Variants in MTMR7 observed in about 807,000 individuals in gnomAD.
MTMR7 encodes the protein myotubularin related protein 7.
A neutral mutation model predicts 81.2 loss-of-function variants in MTMR7; 76 were observed. That is an observed-to-expected ratio of 0.94 (90% CI 0.78 to 1.13). MTMR7 has a LOEUF of 1.13. Among genes scored for constraint, MTMR7 ranks in the 50% most tolerant of loss-of-function variants. MTMR7 has a pLI of 0.00. For missense variants in MTMR7, 1,044 were observed against 820.0 expected (o/e 1.27, Z -3.34); for synonymous variants, 372 against 289.8 (o/e 1.28, Z -2.88).
At chr8:17,336,996 A>C (rs180900518) in intron 6 of MTMR7, among the ~76,000 whole-genome samples, 2 of 152,168 alleles carry the variant, frequency 1.3e-5, no homozygotes, top group African/African-American at 2.4e-5. Flanking sequence ...TAACCTCTTT[A>C]AGTTCTAGCC....
chr8:17,372,143 C>T (rs1262554109), intron 2 of MTMR7, among the ~76,000 whole-genome samples: 1 of 152,074 alleles, frequency 6.6e-6, no homozygotes, highest in Non-Finnish European at 1.5e-5. Flanking sequence ...AGGGTCTATG[C>T]TCAGTCTTCA....
chr8:17,336,435 T>C (rs974197840), intron 6 of MTMR7, among the ~76,000 whole-genome samples: 9 of 152,064 alleles, frequency 5.9e-5, no homozygotes, highest in African/African-American at 2.2e-4. Context: ...TCACTCTGGT[T>C]GCTGCCATGA....
intron 5 of MTMR7, among the ~76,000 whole-genome samples, chr8:17,342,111 T>G (rs1819424485): frequency 1.3e-5 from 2 of 152,154 alleles, no homozygotes; most frequent in South Asian, 4.1e-4. Flanking sequence ...GGAATCAATC[T>G]GCATTCTCTG....
chr8:17,317,724 C>A lies in MTMR7; in HGVS notation c.866-4323G>T, dbSNP rs565441556. Among the ~76,000 whole-genome samples, 35 of 152,256 alleles carry A rather than the reference C, an allele frequency of 2.3e-4. No individual in the cohort carries two copies. The East Asian group carries it at 4.8e-3, about 21-fold the overall frequency. On this transcript the variant is annotated intron_variant, in intron 7 of 13. Transcript: ENST00000180173. Reference sequence around the variant, plus strand: ...TCAGAGATACCTGATGGCTCGAATTCCAGAGATTGTCTAAGGATCTGCACT... The same window carrying A: ...TCAGAGATACCTGATGGCTCGAATTACAGAGATTGTCTAAGGATCTGCACT...
intron 1 of MTMR7, among the ~76,000 whole-genome samples, chr8:17,377,875 T>C (rs1157398180): frequency 6.6e-6 from 1 of 152,138 alleles, no homozygotes; most frequent in African/African-American, 2.4e-5. Flanking sequence ...TTAAAGTAAC[T>C]ACGATAAAGA....
chr8:17,300,677 C>T (rs1476792707), intron 13 of MTMR7, among the ~76,000 whole-genome samples: 2 of 152,196 alleles, frequency 1.3e-5, no homozygotes, highest in Non-Finnish European at 2.9e-5. Flanking sequence ...TAGTTATATT[C>T]ACAAGGTTGT....
intron 7 of MTMR7, among the ~76,000 whole-genome samples, chr8:17,330,224 C>A (rs1563338025): frequency 6.6e-6 from 1 of 152,210 alleles, no homozygotes; most frequent in Non-Finnish European, 1.5e-5. Flanking sequence ...AACGTGGATT[C>A]CTGGAAAAAA....
chr8:17,304,301 A>G, intron 12 of MTMR7, 78 bp downstream of exon 12: 2 of 1,518,920 alleles, frequency 1.3e-6, no homozygotes, highest in Non-Finnish European at 1.8e-6. Flanking sequence ...AGTGTCATAC[A>G]CTTTGACCTC....
intron 13 of MTMR7, chr8:17,301,846 C>T (rs550959851): frequency 2.5e-6 from 1 of 397,262 alleles, no homozygotes; most frequent in Non-Finnish European, 4.4e-6. Context: ...GTTACTTTTT[C>T]ACACTTTCCA....
Position 17,403,122 on chromosome 8 carries a change from T to C in MTMR7, c.24+10147A>G, listed in dbSNP as rs538790574. ...AGATTTTTTTTCCTATAGAGTTGTT[T>C]GAGCCCCTTATATATTCTGGTTATT... On this transcript the variant is annotated intron_variant, in intron 1 of 13. Coordinates refer to ENST00000180173, the MANE Select transcript of MTMR7 (RefSeq NM_004686.5). Among the ~76,000 whole-genome samples, 29 of 152,356 alleles carry C rather than the reference T, an allele frequency of 1.9e-4. 2 individuals are homozygous for C. In the South Asian group the frequency reaches 5.8e-3, roughly 30 times the overall value.
chr8:17,330,410 C>G (rs994411371), intron 7 of MTMR7, among the ~76,000 whole-genome samples: 1 of 152,210 alleles, frequency 6.6e-6, no homozygotes, highest in Non-Finnish European at 1.5e-5. Flanking sequence ...TTTCCCAGTT[C>G]GCAGAGCCGG....
chr8:17,309,850 T>G (rs1680641717), intron 9 of MTMR7, among the ~76,000 whole-genome samples: 1 of 152,168 alleles, frequency 6.6e-6, no homozygotes, highest in African/African-American at 2.4e-5. Flanking sequence ...TTTCTACACA[T>G]TATAAGAATT....
At chr8:17,320,956 T>C (rs761022896) in intron 7 of MTMR7, among the ~76,000 whole-genome samples, 26 of 152,224 alleles carry the variant, frequency 1.7e-4, no homozygotes, top group Admixed American at 4.6e-4. Flanking sequence ...CAGGATGCAA[T>C]TGATTCCTCC....
At chr8:17,386,717 T>C (rs1300201433) in intron 1 of MTMR7, among the ~76,000 whole-genome samples, 2 of 152,218 alleles carry the variant, frequency 1.3e-5, no homozygotes, top group Non-Finnish European at 2.9e-5. Context: ...GCTGCCCTTC[T>C]TGGAGCCCAA....
intron 11 of MTMR7, 126 bp downstream of exon 11, chr8:17,305,631 T>G: frequency 1.4e-6 from 1 of 716,768 alleles, no homozygotes; most frequent in East Asian, 2.7e-5. Context: ...AAAATAAAAC[T>G]AATCTGTCAG....
chr8:17,342,533 T>C (rs1375883621), intron 5 of MTMR7, among the ~76,000 whole-genome samples: 1 of 152,186 alleles, frequency 6.6e-6, no homozygotes, highest in East Asian at 1.9e-4. Flanking sequence ...CTTAATTGTC[T>C]TTGAATCCCA....
At position 17,375,740 on chromosome 8, in the gene MTMR7, C is replaced by A. The variant is rs572021364; in HGVS notation, c.25-2500G>T. Among the ~76,000 whole-genome samples, 8 of 152,288 alleles carry A rather than the reference C, an allele frequency of 5.3e-5. No homozygotes were observed. In the East Asian group the frequency reaches 1.5e-3, roughly 29 times the overall value. On this transcript the variant is annotated intron_variant, in intron 1 of 13. Transcript: ENST00000180173. Reference sequence around the variant, plus strand: ...TTCTAGTATGAATCTCTTGAATGTTCTGAGTAGCCAAATATTTTCTGTAAT... The same window carrying A: ...TTCTAGTATGAATCTCTTGAATGTTATGAGTAGCCAAATATTTTCTGTAAT...
intron 1 of MTMR7, among the ~76,000 whole-genome samples, chr8:17,399,190 A>G (rs1273392845): frequency 1.3e-5 from 2 of 152,158 alleles, no homozygotes; most frequent in Non-Finnish European, 2.9e-5. Context: ...AAAAAGTCAA[A>G]TTATCCTTGT....
intron 3 of MTMR7, among the ~76,000 whole-genome samples, chr8:17,369,106 G>A (rs1447402799): frequency 6.6e-6 from 1 of 152,146 alleles, no homozygotes; most frequent in African/African-American, 2.4e-5. Flanking sequence ...TCCGCTCAGA[G>A]CACATTTATC....
Sources: allele counts gnomAD v4.1 joint callset (sites outside exome capture counted in the v4.1 genomes callset), GRCh38; gene constraint gnomAD v4.1.1; transcripts MANE v1.5; gene names NCBI Gene and HGNC (gene_info 2026-07-23, HGNC 2026-07-21).